DHX15: variants seen among roughly 807,000 people sequenced by gnomAD.
DHX15 encodes ATP-dependent RNA helicase DHX15.
Under a neutral mutation model 94.4 loss-of-function variants are expected in DHX15, and 11 were observed. The observed-to-expected ratio is 0.12, with a 90% CI of 0.07 to 0.19. DHX15 has a LOEUF of 0.19. DHX15 is among the 10% of genes least tolerant of loss of function. The pLI, the probability that DHX15 is intolerant of heterozygous loss-of-function variation, is 1.00. For missense variants in DHX15, 304 were observed against 988.5 expected, an observed-to-expected ratio of 0.31 and a Z score of 9.29; for synonymous variants, 338 against 329.9, an observed-to-expected ratio of 1.02 and a Z score of -0.27.
chr4:24,533,127 A>C (rs970112208), intron 11 of DHX15, 73 bp from the exon 12 acceptor site: 1 of 1,284,906 alleles, frequency 7.8e-7, no homozygotes, highest in African/African-American at 1.5e-5. Context: ...CTAATTAAAA[A>C]AATTGTTATA....
chr4:24,533,438 A>C (rs530618496), intron 11 of DHX15: 10 of 253,744 alleles, frequency 3.9e-5, no homozygotes, highest in Middle Eastern at 1.5e-3. Context: ...CTTTAGATTA[A>C]GATAACTGCA....
rs999396330 is a variant in DHX15, at chr4:24,545,491, T to C, written c.1249-2465A>G. ...CCAACTTGGCAAACCCTCGTCATTA[T>C]TGATATTAGTAAGAGCCTATTGCCA... On this transcript the variant is annotated intron_variant, in intron 6 of 13. Coordinates refer to ENST00000336812, the MANE Select transcript of DHX15 (RefSeq NM_001358.3). 5.9e-5 allele frequency among the ~76,000 whole-genome samples: 9 copies of C among 152,230 alleles called. No individual in the cohort carries two copies. The East Asian group carries it at 1.2e-3, about 20-fold the overall frequency.
chr4:24,542,600 T>C (rs1486163996), intron 7 of DHX15, among the ~76,000 whole-genome samples: 2 of 152,322 alleles, frequency 1.3e-5, no homozygotes, highest in East Asian at 1.9e-4. Flanking sequence ...ACTCTAATAA[T>C]GTTGGGAGAA....
In DHX15 at chr4:24,541,585, C is replaced by T. The variant is rs11936162; in HGVS notation, c.1485+288G>A. 3.3e-3 allele frequency among the ~76,000 whole-genome samples: 501 copies of T among 152,090 alleles called. 7 individuals carry two copies. Among genetic ancestry groups the T allele is most frequent in the African/African-American group, 0.012 (480 of 41,476 alleles). ...CACATCTAAAGAAAGAATGCATCTT[C>T]TATCAGTGAAATTGTAAAGAAAGAT... On this transcript the variant is annotated intron_variant, in intron 8 of 13. Coordinates refer to ENST00000336812, the MANE Select transcript of DHX15 (RefSeq NM_001358.3).
intron 3 of DHX15, chr4:24,563,231 AG>A (rs944822385): frequency 3.9e-5 from 6 of 152,280 alleles, no homozygotes; most frequent in Non-Finnish European, 7.4e-5. Context: ...GCTGGAAGGC[AG>A]TGGCTACTCA....
chr4:24,542,642 C>G (rs1721336263), intron 7 of DHX15, among the ~76,000 whole-genome samples: 1 of 151,846 alleles, frequency 6.6e-6, no homozygotes, highest in Admixed American at 6.6e-5. Context: ...AAATCCTGTA[C>G]TTTATTACTA....
intron 1 of DHX15, among the ~76,000 whole-genome samples, chr4:24,581,344 A>G (rs1240241945): frequency 6.6e-6 from 1 of 152,200 alleles, no homozygotes; most frequent in African/African-American, 2.4e-5. Context: ...AGCCAATTTA[A>G]AAGCGTAATG....
At chr4:24,552,125 T>C (rs1269291103) in intron 5 of DHX15, among the ~76,000 whole-genome samples, 1 of 152,198 alleles carries the variant, frequency 6.6e-6, no homozygotes, top group Non-Finnish European at 1.5e-5. Flanking sequence ...CAGCTGAGAA[T>C]GCCACAAAAC....
chr4:24,531,464 G>A (rs1289426699), intron 12 of DHX15, among the ~76,000 whole-genome samples: 1 of 152,094 alleles, frequency 6.6e-6, no homozygotes, highest in East Asian at 1.9e-4. Flanking sequence ...TGTAATCTCA[G>A]CACTTTGGGA....
intron 3 of DHX15, among the ~76,000 whole-genome samples, chr4:24,569,745 A>T (rs2062044304): frequency 6.6e-6 from 1 of 152,166 alleles, no homozygotes; most frequent in South Asian, 2.1e-4. Context: ...CAGGGAGAAG[A>T]TCACATAGAT....
chr4:24,566,740 C>T (rs183952000), intron 3 of DHX15, among the ~76,000 whole-genome samples: 14 of 152,194 alleles, frequency 9.2e-5, no homozygotes, highest in African/African-American at 3.1e-4. Flanking sequence ...GCATGAGAAT[C>T]GCTTGAACCC....
chr4:24,546,025 T>C (rs935097352), intron 6 of DHX15, among the ~76,000 whole-genome samples: 2 of 151,840 alleles, frequency 1.3e-5, no homozygotes, highest in African/African-American at 2.4e-5. Flanking sequence ...TTCCCCCCAC[T>C]CCGCCCCCAA....
chr4:24,536,273 T>A (rs1721195486), intron 11 of DHX15, among the ~76,000 whole-genome samples: 1 of 152,194 alleles, frequency 6.6e-6, no homozygotes, highest in African/African-American at 2.4e-5. Flanking sequence ...GGTGGGCATT[T>A]AGGTAGCCAA....
Position 24,556,424 on chromosome 4 carries a change from A to C in DHX15, c.702-14T>G. Reference sequence around the variant, plus strand: ...TCAGTCATATACCTATATTCCAAAGAACATGTTGGTTAAAGGTTCCGTTAG... The same window carrying C: ...TCAGTCATATACCTATATTCCAAAGCACATGTTGGTTAAAGGTTCCGTTAG... On this transcript the variant is annotated splice_polypyrimidine_tract_variant and intron_variant, in intron 3 of 13. Coordinates refer to ENST00000336812, the MANE Select transcript of DHX15 (RefSeq NM_001358.3). The C allele has an allele frequency of 6.3e-7, 1 of 1,590,828 alleles. No individual in the cohort carries two copies. The highest frequency in any genetic ancestry group is 2.2e-5 in the East Asian group (1 of 44,466).
chr4:24,555,653 T>C (rs1435406721), intron 4 of DHX15, among the ~76,000 whole-genome samples: 1 of 152,142 alleles, frequency 6.6e-6, no homozygotes, highest in Admixed American at 6.6e-5. Context: ...TGAGTCTACA[T>C]TCCAATGAAT....
At chr4:24,540,798 T>A in intron 9 of DHX15, 42 bp downstream of exon 9, 2 of 1,129,358 alleles carry the variant, frequency 1.8e-6, no homozygotes, top group Non-Finnish European at 2.6e-6. Context: ...GAGTCAATTT[T>A]GGTTAAAAGA....
chr4:24,541,834 A>G, intron 8 of DHX15, 39 bp downstream of exon 8: 3 of 1,509,766 alleles, frequency 2.0e-6, no homozygotes, highest in Non-Finnish European at 2.7e-6. Flanking sequence ...TCAACCTAAC[A>G]TTTTAAACAT....
rs752779852 is a variant in DHX15 at position 24,576,412 on chromosome 4, T to C, written c.338A>G (p.Gln113Arg). The C allele has an allele frequency of 2.5e-6, 4 of 1,614,166 alleles. No individual in the cohort carries two copies. Among genetic ancestry groups the C allele is most frequent in the Middle Eastern group, 1.6e-4 (1 of 6,062 alleles). Residue 113 changes from glutamine (Q) to arginine (R), a missense_variant, in exon 2 of 14, where the codon CAG becomes CGG. Coordinates refer to ENST00000336812, the MANE Select transcript of DHX15 (RefSeq NM_001358.3). Reference sequence around the variant, plus strand: ...TAAGTTGGTGAACGGATTAATGCACTGTGGAAGTGACGTGTGACCTGCATG... The same window carrying C: ...TAAGTTGGTGAACGGATTAATGCACCGTGGAAGTGACGTGTGACCTGCATG... ...AGHAGHTSLP[Q>R]CINPFTNLPH...
At chr4:24,580,189 CCA>C (rs1722377676) in intron 1 of DHX15, among the ~76,000 whole-genome samples, 2 of 152,172 alleles carry the variant, frequency 1.3e-5, no homozygotes, top group Non-Finnish European at 2.9e-5. Context: ...GGGAGGATCA[CCA>C]GAGGCCAAAA....
Sources: allele counts gnomAD v4.1 joint callset (sites outside exome capture counted in the v4.1 genomes callset), GRCh38; gene constraint gnomAD v4.1.1; transcripts MANE v1.5; gene names NCBI Gene and HGNC (gene_info 2026-07-23, HGNC 2026-07-21).